FAT3: variants seen among roughly 807,000 people sequenced by gnomAD.
FAT3 encodes protocadherin Fat 3.
FAT3 carries 95 observed loss-of-function variants against 310.2 expected under a neutral mutation model. That is an observed-to-expected ratio of 0.31 (90% CI 0.26 to 0.36). FAT3 has a LOEUF of 0.36. Ranked by LOEUF, FAT3 falls within the 10% of genes least tolerant of loss-of-function variation. The pLI is 1.00. For synonymous variants in FAT3, 2,314 were observed against 2,192.9 expected, an observed-to-expected ratio of 1.06 and a Z score of -1.54; for missense variants, 5,408 against 5,715.6, an observed-to-expected ratio of 0.95 and a Z score of 1.74.
At chr11:92,730,451 T>C (rs1945142374) in intron 4 of FAT3, among the ~76,000 whole-genome samples, 1 of 152,202 alleles carries the variant, frequency 6.6e-6, no homozygotes. Context: ...TGACATTATT[T>C]GGCTATTTGG....
intron 3 of FAT3, among the ~76,000 whole-genome samples, chr11:92,539,771 T>TATAA (rs567794105): frequency 1.4e-4 from 21 of 152,318 alleles, no homozygotes; most frequent in Non-Finnish European, 1.8e-4. Flanking sequence ...TTGAGTGGCA[T>TATAA]ATAACACACA....
chr11:92,306,936 C>T (rs1365225887), intron 1 of FAT3, among the ~76,000 whole-genome samples: 1 of 149,608 alleles, frequency 6.7e-6, no homozygotes, highest in Non-Finnish European at 1.5e-5. Flanking sequence ...GACTACAGAC[C>T]TGTGCCACCA....
At chr11:92,804,840 G>A (rs919992944) in intron 10 of FAT3, among the ~76,000 whole-genome samples, 19 of 152,220 alleles carry the variant, frequency 1.2e-4, no homozygotes, top group Non-Finnish European at 2.9e-5. Flanking sequence ...GTGTCAGCCT[G>A]AGAAGACGAT....
At chr11:92,787,037 C>T (rs900838866) in intron 7 of FAT3, among the ~76,000 whole-genome samples, 3 of 152,146 alleles carry the variant, frequency 2.0e-5, no homozygotes, top group Non-Finnish European at 4.4e-5. Context: ...TGTTTAGCGG[C>T]ATCCCTGGCC....
chr11:92,421,747 G>A (rs1159347170), intron 2 of FAT3, among the ~76,000 whole-genome samples: 1 of 151,990 alleles, frequency 6.6e-6, no homozygotes, highest in African/African-American at 2.4e-5. Context: ...TTGTTCTCTT[G>A]AGGACTGAGT....
rs1481258961 is a variant in FAT3, at chr11:92,836,653, G to A, written c.10174G>A (p.Asp3392Asn). ...NGDRDNEFTV[D>N]PVLGLVKVKK... is the part of the protein sequence containing the mutation. ...AGATCGGGACAATGAATTTACTGTA[G>A]ATCCTGTCTTGGGACTTGTGAAAGT... is the stretch of plus-strand genomic sequence containing the variant. Residue 3392 changes from aspartate (D) to asparagine (N), a missense_variant, in exon 16 of 28, where the codon GAT (aspartate) becomes AAT (asparagine). Coordinates refer to ENST00000525166, the MANE Select transcript of FAT3 (RefSeq NM_001367949.2). 3.1e-6 allele frequency: 5 copies of A among 1,613,608 alleles called. No individual in the cohort carries two copies. Among genetic ancestry groups the A allele is most frequent in the East Asian group, 2.2e-5 (1 of 44,866 alleles).
At chr11:92,553,317 A>T (rs1433425511) in intron 3 of FAT3, among the ~76,000 whole-genome samples, 1 of 152,174 alleles carries the variant, frequency 6.6e-6, no homozygotes, top group Admixed American at 6.5e-5. Flanking sequence ...CAGGTATCAC[A>T]AATGTTTGCA....
At chr11:92,525,110 A>G (rs897756233) in intron 3 of FAT3, among the ~76,000 whole-genome samples, 162 bp downstream of exon 3, 1 of 152,210 alleles carries the variant, frequency 6.6e-6, no homozygotes, top group Non-Finnish European at 1.5e-5. Context: ...CCTATGTGGT[A>G]TGTTTTAATT....
chr11:92,859,938 C>A (rs1222687415), intron 21 of FAT3, among the ~76,000 whole-genome samples: 1 of 152,122 alleles, frequency 6.6e-6, no homozygotes, highest in Non-Finnish European at 1.5e-5. Flanking sequence ...TGGTGGCTCA[C>A]ACCTGTAATC....
At chr11:92,877,432 C>G (rs1949558759) in intron 22 of FAT3, among the ~76,000 whole-genome samples, 1 of 152,130 alleles carries the variant, frequency 6.6e-6, no homozygotes, top group African/African-American at 2.4e-5. Context: ...AATGCAGGGT[C>G]TCAGGACTGG....
intron 19 of FAT3, among the ~76,000 whole-genome samples, chr11:92,849,192 A>G (rs1484638403): frequency 6.6e-6 from 1 of 152,222 alleles, no homozygotes; most frequent in Non-Finnish European, 1.5e-5. Flanking sequence ...CAGAGCCAGG[A>G]TTCATCCTTG....
At chr11:92,612,859 G>A (rs1019903336) in intron 3 of FAT3, among the ~76,000 whole-genome samples, 1 of 152,116 alleles carries the variant, frequency 6.6e-6, no homozygotes, top group African/African-American at 2.4e-5. Context: ...ACCCTGAAAG[G>A]ATACTTCAGG....
chr11:92,271,992 T>A (rs1946134470), intron 1 of FAT3, among the ~76,000 whole-genome samples: 1 of 152,258 alleles, frequency 6.6e-6, no homozygotes, highest in Non-Finnish European at 1.5e-5. Flanking sequence ...GAGACTGTAC[T>A]CTTTTCATTA....
rs115160061 is a variant in FAT3, at chr11:92,335,319, T to C, written c.-17-16777T>C. Among the ~76,000 whole-genome samples the C allele has an allele frequency of 4.5e-3, 682 of 152,366 alleles. 9 individuals carry two copies. Among genetic ancestry groups the C allele is most frequent in the African/African-American group, 0.016 (646 of 41,594 alleles). On this transcript the variant is annotated intron_variant, in intron 1 of 27. Coordinates refer to ENST00000525166, the MANE Select transcript of FAT3 (RefSeq NM_001367949.2). ...TGATTTCAAATTGAAGGTTTCACTC[T>C]TTGACTTGTTATTTAGGTTAAGTGG...
chr11:92,246,721 G>C, intron 1 of FAT3, among the ~76,000 whole-genome samples: 1 of 152,176 alleles, frequency 6.6e-6, no homozygotes, highest in East Asian at 1.9e-4. Flanking sequence ...AGGCTTACCA[G>C]GCAGCACCAG....
intron 6 of FAT3, among the ~76,000 whole-genome samples, chr11:92,772,513 C>A (rs546823569): frequency 6.6e-6 from 1 of 152,076 alleles, no homozygotes; most frequent in Non-Finnish European, 1.5e-5. Context: ...AGACTCCCCC[C>A]TCTCTCCTTA....
intron 1 of FAT3, among the ~76,000 whole-genome samples, chr11:92,346,683 C>T (rs1413751448): frequency 2.0e-5 from 3 of 152,056 alleles, no homozygotes; most frequent in Admixed American, 6.6e-5. Context: ...CTCTTATACT[C>T]CCCATTTTAA....
At chr11:92,529,620 AACAC>A (rs1254810850) in intron 3 of FAT3, among the ~76,000 whole-genome samples, 1 of 152,146 alleles carries the variant, frequency 6.6e-6, no homozygotes, top group Non-Finnish European at 1.5e-5. Context: ...TAAAGGGAAA[AACAC>A]ATACATAAAA....
intron 1 of FAT3, among the ~76,000 whole-genome samples, chr11:92,271,501 AG>A (rs938843561): frequency 1.8e-4 from 28 of 152,200 alleles, no homozygotes; most frequent in African/African-American, 6.5e-4. Context: ...AGCATATTTT[AG>A]TACTTGAAAT....
Sources: allele counts gnomAD v4.1 joint callset (sites outside exome capture counted in the v4.1 genomes callset), GRCh38; gene constraint gnomAD v4.1.1; transcripts MANE v1.5; gene names NCBI Gene and HGNC (gene_info 2026-07-23, HGNC 2026-07-21).